Variants in CNNM2 observed in about 807,000 individuals in gnomAD.
CNNM2 encodes cyclin and CBS domain divalent metal cation transport mediator 2, also known as metal transporter CNNM2.
Under a neutral mutation model 66.9 loss-of-function variants are expected in CNNM2, and 12 were observed. That is an observed-to-expected ratio of 0.18 (90% CI 0.11 to 0.29). CNNM2 has a LOEUF of 0.29. Among genes scored for constraint, CNNM2 ranks in the 10% least tolerant of loss-of-function variants. The pLI is 1.00. For synonymous variants in CNNM2, 557 were observed against 501.8 expected, an observed-to-expected ratio of 1.11 and a Z score of -1.47; for missense variants, 705 against 1,167.7, an observed-to-expected ratio of 0.60 and a Z score of 5.77.
chr10:103,053,899 A>G (rs1277426165), intron 2 of CNNM2, among the ~76,000 whole-genome samples: 2 of 152,130 alleles, frequency 1.3e-5, no homozygotes, highest in Non-Finnish European at 2.9e-5. Flanking sequence ...ACAGGCAGGG[A>G]CACTCCTCCC....
At position 103,087,985 on chromosome 10, in the gene CNNM2, T is replaced by C. The variant is rs181636365; in HGVS notation, c.*10805T>C. ...CAGTCCTGTTCCAAAAATCTTTCTG[T>C]GAAAAAATTGAGGCCTATGTAACAC... On this transcript the variant is annotated 3_prime_UTR_variant, in exon 8 of 8. Transcript: ENST00000369878. 6.6e-6 allele frequency: 1 copy of C among 152,326 alleles called. No homozygotes were observed. Among genetic ancestry groups the C allele is most frequent in the East Asian group, 1.9e-4 (1 of 5,186 alleles). 9.4% of individuals were successfully genotyped at this position (152,326 alleles called of 1,614,324 possible). A position where few individuals can be genotyped will look rare whatever the true frequency, so the allele number is the denominator to read the frequency against.
At chr10:103,065,519 G>T (rs1448101198) in intron 4 of CNNM2, among the ~76,000 whole-genome samples, 5 of 152,118 alleles carry the variant, frequency 3.3e-5, no homozygotes, top group Non-Finnish European at 7.4e-5. Context: ...GTCTTGTTTT[G>T]GTTGTGCCTG....
intron 4 of CNNM2, among the ~76,000 whole-genome samples, chr10:103,059,918 C>A (rs530734009): frequency 6.6e-6 from 1 of 151,566 alleles, no homozygotes; most frequent in African/African-American, 2.4e-5. Context: ...AAGATAGGAT[C>A]GTTTGAGGCC....
At chr10:102,977,132 A>T (rs1400472487) in intron 1 of CNNM2, among the ~76,000 whole-genome samples, 2 of 152,190 alleles carry the variant, frequency 1.3e-5, no homozygotes, top group Non-Finnish European at 2.9e-5. Context: ...TTCCCATCTG[A>T]CTGCAGAGTG....
intron 1 of CNNM2, among the ~76,000 whole-genome samples, chr10:102,993,198 T>C (rs536144174): frequency 2.0e-5 from 3 of 152,328 alleles, no homozygotes; most frequent in East Asian, 1.9e-4. Context: ...TGTTTACTTA[T>C]GTGCGTTGAG....
At chr10:103,048,525 ACTGT>A (rs2065165861) in intron 1 of CNNM2, among the ~76,000 whole-genome samples, 2 of 150,492 alleles carry the variant, frequency 1.3e-5, no homozygotes, top group African/African-American at 2.4e-5. Context: ...TAAAATTTTA[ACTGT>A]CTGTTGAAAG....
At chr10:102,996,840 C>T (rs960223032) in intron 1 of CNNM2, among the ~76,000 whole-genome samples, 9 of 152,216 alleles carry the variant, frequency 5.9e-5, no homozygotes, top group African/African-American at 2.2e-4. Context: ...CTTTCTTCCA[C>T]GAGATATTTG....
At chr10:103,044,337 C>CT (rs2065092893) in intron 1 of CNNM2, among the ~76,000 whole-genome samples, 1 of 152,090 alleles carries the variant, frequency 6.6e-6, no homozygotes. Flanking sequence ...ATGTGGATCA[C>CT]TTGAGGCCAG....
chr10:103,067,870 G>A (rs1409829900), intron 4 of CNNM2, among the ~76,000 whole-genome samples: 1 of 152,204 alleles, frequency 6.6e-6, no homozygotes, highest in Non-Finnish European at 1.5e-5. Flanking sequence ...TTCCAAGACA[G>A]GAGAAAAATC....
chr10:103,040,357 T>C (rs1335236538), intron 1 of CNNM2, among the ~76,000 whole-genome samples: 3 of 151,634 alleles, frequency 2.0e-5, no homozygotes, highest in Non-Finnish European at 4.4e-5. Flanking sequence ...AGTAGAGCCA[T>C]GGAGGACCTG....
chr10:103,069,716 G>T (rs963719399), intron 5 of CNNM2, among the ~76,000 whole-genome samples: 2 of 152,220 alleles, frequency 1.3e-5, no homozygotes, highest in Non-Finnish European at 2.9e-5. Flanking sequence ...GGATGGCGCT[G>T]CTTGGCAGAG....
At chr10:102,948,905 ATTATC>A (rs1473823985) in intron 1 of CNNM2, among the ~76,000 whole-genome samples, 2 of 152,106 alleles carry the variant, frequency 1.3e-5, no homozygotes, top group Non-Finnish European at 2.9e-5. Context: ...AAATATAGAT[ATTATC>A]TTCATAACCG....
chr10:102,943,355 G>T (rs551813010), intron 1 of CNNM2, among the ~76,000 whole-genome samples: 1 of 152,180 alleles, frequency 6.6e-6, no homozygotes, highest in South Asian at 2.1e-4. Flanking sequence ...TTAAGCCCAG[G>T]AGTTCAAGGC....
intron 1 of CNNM2, among the ~76,000 whole-genome samples, chr10:102,979,537 G>A (rs1195229870): frequency 1.3e-5 from 2 of 151,768 alleles, no homozygotes; most frequent in African/African-American, 2.4e-5. Context: ...ATTTTTCCTC[G>A]TACTACTTAC....
rs1468828878 is a variant in CNNM2 at position 103,084,504 on chromosome 10, T to G, written c.*7324T>G. The G allele has an allele frequency of 6.6e-6, 1 of 152,228 alleles. No individual in the cohort carries two copies. The highest frequency in any genetic ancestry group is 6.5e-5 in the Admixed American group (1 of 15,276). The allele number at this position is 152,228 out of a possible 1,614,324, so 9.4% of individuals were successfully genotyped here. A position where few individuals can be genotyped will look rare whatever the true frequency, so the allele number is the denominator to read the frequency against. ...GCAGCAGAGCTAGGGAAAGAAATCA[T>G]GGTAGCACATTCACTCCCAGCCTCC... On this transcript the variant is annotated 3_prime_UTR_variant, in exon 8 of 8. Coordinates refer to ENST00000369878, the MANE Select transcript of CNNM2 (RefSeq NM_017649.5).
chr10:103,089,433 T>G lies in CNNM2; in HGVS notation c.*12253T>G. 2.0e-6 allele frequency: 1 copy of G among 501,770 alleles called. No homozygotes were observed. The highest frequency in any genetic ancestry group is 3.2e-6 in the Non-Finnish European group (1 of 315,636). The allele number at this position is 501,770 out of a possible 1,614,324, so 31.1% of individuals were successfully genotyped here. A position where few individuals can be genotyped will look rare whatever the true frequency, so the allele number is the denominator to read the frequency against. On this transcript the variant is annotated 3_prime_UTR_variant, in exon 8 of 8. Transcript: ENST00000369878. Reference sequence around the variant, plus strand: ...GCCATATACATGCAGTTCAGCCTGATTTTACCCTTATTTTCTTCTAATACA... The same window carrying G: ...GCCATATACATGCAGTTCAGCCTGAGTTTACCCTTATTTTCTTCTAATACA...
chr10:103,010,982 CTCATAA>C (rs1461046368), intron 1 of CNNM2, among the ~76,000 whole-genome samples: 3 of 152,090 alleles, frequency 2.0e-5, no homozygotes, highest in Admixed American at 2.0e-4. Context: ...GTATTACTTT[CTCATAA>C]TCAGAGGGAA....
intron 1 of CNNM2, among the ~76,000 whole-genome samples, chr10:102,947,623 C>T (rs575156265): frequency 3.0e-4 from 46 of 152,048 alleles, no homozygotes; most frequent in Admixed American, 1.1e-3. Flanking sequence ...TAGTGGTGCA[C>T]GCCTGTAATC....
intron 1 of CNNM2, among the ~76,000 whole-genome samples, chr10:102,978,239 G>A (rs1439680573): frequency 6.7e-6 from 1 of 149,736 alleles, no homozygotes; most frequent in Non-Finnish European, 1.5e-5. Flanking sequence ...TCCACTTAGA[G>A]CCATCTCAAA....
Sources: gnomAD v4.1 joint callset for allele counts (sites outside exome capture counted in the v4.1 genomes callset) on GRCh38, gnomAD v4.1.1 for gene constraint, MANE v1.5 for transcripts, NCBI Gene and HGNC (gene_info 2026-07-23, HGNC 2026-07-21) for gene names.